Variants in AOPEP observed in about 807,000 individuals in gnomAD.
AOPEP encodes the protein aminopeptidase O (putative).
A neutral mutation model predicts 98.1 loss-of-function variants in AOPEP; 77 were observed. The ratio of observed to expected loss-of-function variants is 0.78; its 90% CI spans 0.65 to 0.95. The LOEUF (loss-of-function observed/expected upper bound fraction) is 0.95, where lower values mean the gene tolerates loss of function less well. Ranked by LOEUF, AOPEP falls within the 40% of genes least tolerant of loss-of-function variation. The probability of loss-of-function intolerance (pLI) is 0.00; values close to 1 mark genes in which losing one functional copy is unlikely to be tolerated. For synonymous variants in AOPEP, 346 were observed against 365.3 expected (o/e 0.95, Z 0.60); for missense variants, 1,024 against 1,024.7 (o/e 1.00, Z 0.01).
chr9:94,870,254 T>C (rs544488055), intron 5 of AOPEP, among the ~76,000 whole-genome samples: 1 of 152,244 alleles, frequency 6.6e-6, no homozygotes, highest in East Asian at 1.9e-4. Flanking sequence ...CCTCCCAAAG[T>C]GTTGGGATTA....
At chr9:95,067,126 C>G (rs1295206473) in intron 14 of AOPEP, among the ~76,000 whole-genome samples, 1 of 151,376 alleles carries the variant, frequency 6.6e-6, no homozygotes, top group Non-Finnish European at 1.5e-5. Context: ...TGTACACCAT[C>G]TTTGCTCTCT....
intron 13 of AOPEP, among the ~76,000 whole-genome samples, chr9:95,010,337 C>T (rs888145899): frequency 6.6e-6 from 1 of 152,154 alleles, no homozygotes; most frequent in African/African-American, 2.4e-5. Context: ...TTGGCTCTTT[C>T]TTGGACCCAA....
the AOPEP span, among the ~76,000 whole-genome samples, chr9:95,114,979 G>C: frequency 2.2e-4 from 33 of 152,130 alleles, no homozygotes; most frequent in African/African-American, 8.0e-4. Context: ...ATCTTGCTTG[G>C]TCAGAGGCTG....
At chr9:94,977,967 C>T (rs2059952189) in intron 10 of AOPEP, among the ~76,000 whole-genome samples, 1 of 152,160 alleles carries the variant, frequency 6.6e-6, no homozygotes, top group Admixed American at 6.5e-5. Flanking sequence ...TTCATTTTGC[C>T]CTTGGCTAGG....
intron 7 of AOPEP, chr9:94,932,826 C>T (rs574719527): frequency 8.1e-6 from 8 of 985,332 alleles, no homozygotes; most frequent in African/African-American, 1.7e-5. Context: ...CCTTTGTATC[C>T]GATGTGTCTG....
At chr9:95,002,539 T>TTAAA (rs1442869180) in intron 11 of AOPEP, among the ~76,000 whole-genome samples, 1 of 152,178 alleles carries the variant, frequency 6.6e-6, no homozygotes, top group Non-Finnish European at 1.5e-5. Flanking sequence ...ATGCAATATG[T>TTAAA]TAAATATGGG....
chr9:95,144,983 A>C, the AOPEP span, among the ~76,000 whole-genome samples: 1 of 152,154 alleles, frequency 6.6e-6, no homozygotes, highest in Non-Finnish European at 1.5e-5. Flanking sequence ...AGGTAGAAAA[A>C]AGGCCATTTT....
intron 2 of AOPEP, among the ~76,000 whole-genome samples, chr9:94,766,258 G>T (rs1351523694): frequency 1.3e-5 from 2 of 152,238 alleles, no homozygotes; most frequent in East Asian, 3.9e-4. Context: ...TGAAGCATTG[G>T]CCCGGTGCAG....
the AOPEP span, among the ~76,000 whole-genome samples, chr9:95,137,789 G>T: frequency 6.6e-6 from 1 of 152,230 alleles, no homozygotes; most frequent in Non-Finnish European, 1.5e-5. Flanking sequence ...AGCAGCTGCA[G>T]ATGGCAGGAG....
At chr9:95,123,877 G>A in the AOPEP span, 772 of 542,398 alleles carry the variant, frequency 1.4e-3, 10 homozygotes, top group Non-Finnish European at 3.1e-4. Context: ...AAGGAGTTGA[G>A]TCCTTAAAGT....
the AOPEP span, among the ~76,000 whole-genome samples, chr9:95,140,526 C>T: frequency 1.2e-4 from 18 of 152,240 alleles, no homozygotes; most frequent in African/African-American, 4.3e-4. Context: ...AAATTCTTCA[C>T]AAGAAAGGTT....
At chr9:94,804,654 T>G (rs1346920330) in intron 5 of AOPEP, among the ~76,000 whole-genome samples, 1 of 152,232 alleles carries the variant, frequency 6.6e-6, no homozygotes, top group African/African-American at 2.4e-5. Flanking sequence ...CAATAAATAT[T>G]TATCAAGCGT....
Position 94,890,797 on chromosome 9 carries a change from A to G in AOPEP, c.1365-33189A>G, listed in dbSNP as rs1405769357. ...ATTGATTTCTTTCTAGTTTCATTCC[A>G]TTAAGGCCAGAGAATATATTCTCTA... On this transcript the variant is annotated intron_variant, in intron 5 of 16. Coordinates refer to ENST00000375315, the MANE Select transcript of AOPEP (RefSeq NM_001193329.3). 3.3e-5 allele frequency among the ~76,000 whole-genome samples: 5 copies of G among 152,190 alleles called. No homozygotes were observed. The East Asian group carries it at 9.6e-4, about 29-fold the overall frequency.
At chr9:95,116,066 T>A in the AOPEP span, among the ~76,000 whole-genome samples, 1 of 152,254 alleles carries the variant, frequency 6.6e-6, no homozygotes, top group Non-Finnish European at 1.5e-5. Context: ...CACCTATTTA[T>A]ATTTGGACAT....
At chr9:95,123,079 A>C in the AOPEP span, among the ~76,000 whole-genome samples, 2 of 152,126 alleles carry the variant, frequency 1.3e-5, no homozygotes, top group African/African-American at 4.8e-5. Context: ...AGGTGGGAGG[A>C]TCCCTTGAAC....
At chr9:94,800,015 AT>A (rs1847865135) in intron 4 of AOPEP, among the ~76,000 whole-genome samples, 1 of 152,174 alleles carries the variant, frequency 6.6e-6, no homozygotes, top group African/African-American at 2.4e-5. Flanking sequence ...GGTTCTAGGA[AT>A]TCTCTTTCAG....
At chr9:94,916,694 CAAAAAA>C (rs560271736) in intron 5 of AOPEP, among the ~76,000 whole-genome samples, 4 of 99,890 alleles carry the variant, frequency 4.0e-5, no homozygotes, top group African/African-American at 1.4e-4. Flanking sequence ...GACTCCCTCT[CAAAAAA>C]AAAAAAAAAT....
At chr9:95,098,710 G>C in the AOPEP span, among the ~76,000 whole-genome samples, 1 of 152,228 alleles carries the variant, frequency 6.6e-6, no homozygotes, top group Non-Finnish European at 1.5e-5. Flanking sequence ...GGCTATGCTG[G>C]TGGGACGAGG....
At chr9:94,774,691 A>C (rs899279916) in intron 3 of AOPEP, among the ~76,000 whole-genome samples, 2 of 152,202 alleles carry the variant, frequency 1.3e-5, no homozygotes, top group Non-Finnish European at 2.9e-5. Context: ...AGTTGCATTA[A>C]ATTCCAGGGG....
Sources: gnomAD v4.1 joint callset for allele counts (sites outside exome capture counted in the v4.1 genomes callset) on GRCh38, gnomAD v4.1.1 for gene constraint, MANE v1.5 for transcripts, NCBI Gene and HGNC (gene_info 2026-07-23, HGNC 2026-07-21) for gene names.